Variants in PCDH15 observed in about 807,000 individuals in gnomAD.
PCDH15 encodes protocadherin-15.
PCDH15 carries 129 observed loss-of-function variants against 178.5 expected under a neutral mutation model. The ratio of observed to expected loss-of-function variants is 0.72; its 90% CI spans 0.63 to 0.84. The LOEUF is 0.84. Ranked by LOEUF, PCDH15 falls within the 40% of genes least tolerant of loss-of-function variation. PCDH15 has a pLI of 0.00. For synonymous variants in PCDH15, 800 were observed against 732.0 expected (o/e 1.09, Z -1.50); for missense variants, 2,230 against 2,099.9 (o/e 1.06, Z -1.21).
intron 3 of PCDH15, among the ~76,000 whole-genome samples, chr10:54,395,074 T>G (rs1951030933): frequency 6.6e-6 from 1 of 152,158 alleles, no homozygotes; most frequent in Non-Finnish European, 1.5e-5. Flanking sequence ...ATGCAATTAT[T>G]ACAGGGTCCT....
rs887804974 is a variant in PCDH15, at chr10:54,392,602, C to CA, written c.158-13661dup. Among the ~76,000 whole-genome samples the CA allele has an allele frequency of 1.0e-4, 15 of 148,308 alleles. No individual in the cohort carries two copies. In the South Asian group the frequency reaches 1.7e-3, roughly 17 times the overall value. On this transcript the variant is annotated intron_variant, in intron 3 of 37. Transcript: ENST00000644397. The stretch of plus-strand genomic sequence containing the variant: ...CGTTACATAATTCTATATTTTGCTC[C>CA]AAAAAAAAATCTGTGGCCAGGCACG...
chr10:54,644,859 G>A (rs926999044), intron 2 of PCDH15, among the ~76,000 whole-genome samples: 1 of 152,044 alleles, frequency 6.6e-6, no homozygotes, highest in African/African-American at 2.4e-5. Context: ...AGGGCTGAAG[G>A]GAACTAACTA....
intron 2 of PCDH15, among the ~76,000 whole-genome samples, chr10:54,604,042 C>G (rs2092648596): frequency 6.7e-6 from 1 of 149,658 alleles, no homozygotes; most frequent in South Asian, 2.1e-4. Flanking sequence ...AATGATTGTT[C>G]AAGAGTGTAT....
At chr10:54,712,406 CAT>C (rs1390783072) in intron 1 of PCDH15, among the ~76,000 whole-genome samples, 1 of 151,510 alleles carries the variant, frequency 6.6e-6, no homozygotes, top group Non-Finnish European at 1.5e-5. Flanking sequence ...GTAGAAGAGA[CAT>C]ATGAAGAAAT....
chr10:55,069,964 G>A (rs1375329089), intron 2 of PCDH15, among the ~76,000 whole-genome samples: 2 of 152,050 alleles, frequency 1.3e-5, no homozygotes, highest in African/African-American at 2.4e-5. Context: ...TTTAATGATT[G>A]CCATTCTAAC....
intron 27 of PCDH15, among the ~76,000 whole-genome samples, chr10:53,865,760 G>A (rs2079406777): frequency 6.6e-6 from 1 of 152,114 alleles, no homozygotes; most frequent in Non-Finnish European, 1.5e-5. Context: ...AAGCATTGAT[G>A]TCTGCATGTA....
intron 35 of PCDH15, 120 bp from the exon 36 acceptor site, chr10:53,811,739 A>G (rs1480384263): frequency 1.9e-6 from 1 of 539,122 alleles, no homozygotes; most frequent in Non-Finnish European, 3.2e-6. Context: ...AAATAACTTT[A>G]AATACAAGTG....
intron 11 of PCDH15, among the ~76,000 whole-genome samples, chr10:54,191,039 T>C (rs1469278520): frequency 2.6e-5 from 4 of 152,212 alleles, no homozygotes; most frequent in Admixed American, 2.0e-4. Context: ...ATAGGCCATC[T>C]TGTGAAATAC....
chr10:55,253,032 T>C (rs1475408906), intron 1 of PCDH15, among the ~76,000 whole-genome samples: 2 of 152,094 alleles, frequency 1.3e-5, no homozygotes. Flanking sequence ...TTTTATTAAA[T>C]AAGGCAAAAT....
intron 8 of PCDH15, among the ~76,000 whole-genome samples, chr10:54,243,515 AAGTT>A (rs901946073): frequency 1.3e-5 from 2 of 152,174 alleles, no homozygotes; most frequent in Admixed American, 6.5e-5. Context: ...TCAAAAAAAA[AAGTT>A]AGTGAACATT....
intron 26 of PCDH15, among the ~76,000 whole-genome samples, chr10:53,898,156 CG>C (rs68003816): frequency 0.76 from 114,408 of 150,614 alleles, 44,088 homozygotes; most frequent in East Asian, 1. Context: ...TTAGTAGAGA[CG>C]GGGGTTTCAC....
chr10:54,658,521 T>A (rs2094444093), intron 2 of PCDH15, among the ~76,000 whole-genome samples: 1 of 152,154 alleles, frequency 6.6e-6, no homozygotes, highest in African/African-American at 2.4e-5. Flanking sequence ...GCATCCAAAA[T>A]TTTTATAACC....
intron 13 of PCDH15, among the ~76,000 whole-genome samples, chr10:54,165,959 C>T (rs1358120580): frequency 6.6e-6 from 1 of 152,020 alleles, no homozygotes; most frequent in Non-Finnish European, 1.5e-5. Context: ...GTTACAGAAA[C>T]ATAAAAATAC....
At chr10:54,362,147 A>C (rs1277859801) in intron 5 of PCDH15, among the ~76,000 whole-genome samples, 1 of 152,076 alleles carries the variant, frequency 6.6e-6, no homozygotes, top group Admixed American at 6.6e-5. Context: ...ACTCAATGGT[A>C]ATTATTATAA....
chr10:54,604,081 TATGGTTTC>T (rs2092650761), intron 2 of PCDH15, among the ~76,000 whole-genome samples: 1 of 788 alleles, frequency 1.3e-3, no homozygotes, highest in Non-Finnish European at 0.012. Flanking sequence ...TTGTGAATCA[TATGGTTTC>T]TTGTTTCTTT....
intron 2 of PCDH15, among the ~76,000 whole-genome samples, chr10:55,074,569 G>T (rs1409416592): frequency 2.0e-5 from 3 of 151,656 alleles, no homozygotes; most frequent in African/African-American, 4.8e-5. Flanking sequence ...TGTTTATGGG[G>T]GTTTTTTTGT....
intron 2 of PCDH15, among the ~76,000 whole-genome samples, chr10:55,623,936 T>C (rs1238546693): frequency 6.6e-6 from 1 of 152,138 alleles, no homozygotes; most frequent in Admixed American, 6.6e-5. Context: ...TGGCATCCTG[T>C]GGACTACTCT....
intron 3 of PCDH15, among the ~76,000 whole-genome samples, chr10:54,845,739 G>A (rs1032104828): frequency 6.6e-6 from 1 of 152,058 alleles, no homozygotes; most frequent in African/African-American, 2.4e-5. Flanking sequence ...ATGGTAAGAA[G>A]AGTGAAAAGT....
Position 55,056,590 on chromosome 10 carries a change from T to A in PCDH15, c.-80+109986A>T, listed in dbSNP as rs547566063. On this transcript the variant is annotated intron_variant, in intron 2 of 5. Transcript: ENST00000458638. ...CTTCTTCATTGTTTTTAATCACTAT[T>A]TGATTTATTTTTATTTTGTTTTATT... is the stretch of plus-strand genomic sequence containing the variant. Among the ~76,000 whole-genome samples, 10 of 145,132 alleles carry A rather than the reference T, an allele frequency of 6.9e-5. No individual in the cohort carries two copies. In the South Asian group the frequency reaches 2.0e-3, roughly 29 times the overall value.
Sources: allele counts gnomAD v4.1 joint callset (sites outside exome capture counted in the v4.1 genomes callset), GRCh38; gene constraint gnomAD v4.1.1; transcripts MANE v1.5; gene names NCBI Gene and HGNC (gene_info 2026-07-23, HGNC 2026-07-21).